Variants in GRIK4 observed in about 807,000 individuals in gnomAD.
GRIK4 encodes glutamate receptor ionotropic, kainate 4.
GRIK4 carries 40 observed loss-of-function variants against 104.9 expected under a neutral mutation model. The ratio of observed to expected loss-of-function variants is 0.38; its 90% CI spans 0.30 to 0.50. The LOEUF (loss-of-function observed/expected upper bound fraction) is 0.50, where lower values mean the gene tolerates loss of function less well. Among genes scored for constraint, GRIK4 ranks in the 20% least tolerant of loss-of-function variants. The pLI, the probability that GRIK4 is intolerant of heterozygous loss-of-function variation, is 0.93. For synonymous variants in GRIK4, 485 were observed against 524.9 expected (o/e 0.92, Z 1.04); for missense variants, 1,047 against 1,308.1 (o/e 0.80, Z 3.08).
intron 1 of GRIK4, among the ~76,000 whole-genome samples, chr11:120,526,427 G>A (rs374940776): frequency 3.3e-4 from 50 of 152,046 alleles, no homozygotes; most frequent in African/African-American, 1.0e-3. Context: ...TGAACTTCTG[G>A]GCTCAAGCGA....
intron 1 of GRIK4, among the ~76,000 whole-genome samples, chr11:120,584,978 G>A (rs1439255257): frequency 1.3e-5 from 2 of 152,118 alleles, no homozygotes; most frequent in Non-Finnish European, 2.9e-5. Flanking sequence ...GAGGATTTTT[G>A]CATCTGTTAA....
chr11:120,899,125 T>C lies in GRIK4; in HGVS notation c.1272+486T>C, dbSNP rs146631116. Among the ~76,000 whole-genome samples, 70 of 152,210 alleles carry C rather than the reference T, an allele frequency of 4.6e-4. No individual in the cohort carries two copies. In the East Asian group the frequency reaches 0.013, roughly 28 times the overall value. ...TGGTAAAAAGAGAGTTCTCAATCTATAGGGCAAGAGGCCAGGTGCAGTGGC... is the reference window on the plus strand; with the variant it reads ...TGGTAAAAAGAGAGTTCTCAATCTACAGGGCAAGAGGCCAGGTGCAGTGGC... On this transcript the variant is annotated intron_variant, in intron 12 of 20. Transcript: ENST00000527524.
At chr11:120,977,873 A>G (rs901265641) in intron 19 of GRIK4, among the ~76,000 whole-genome samples, 3 of 152,144 alleles carry the variant, frequency 2.0e-5, no homozygotes, top group African/African-American at 4.8e-5. Context: ...CAGGCGGTCC[A>G]TGTTGTGAAT....
At chr11:120,860,654 A>G (rs7937284) in intron 8 of GRIK4, among the ~76,000 whole-genome samples, 74,861 of 152,072 alleles carry the variant, frequency 0.49, 19,729 homozygotes, top group African/African-American at 0.67. Flanking sequence ...CCTGAGGGCA[A>G]CAAGTGTGTC....
At chr11:120,557,518 C>T (rs1036242004) in intron 1 of GRIK4, among the ~76,000 whole-genome samples, 1 of 152,200 alleles carries the variant, frequency 6.6e-6, no homozygotes, top group Non-Finnish European at 1.5e-5. Flanking sequence ...ATCAGACGAC[C>T]TATCTAGCGC....
rs199752302 is a variant in GRIK4, at chr11:120,874,147, G to A, written c.988G>A (p.Val330Met). The change falls in exon 10 of 21, where the codon GTG becomes ATG. Residue 330 changes from valine to methionine, a missense_variant. Physicochemically the swap from Val to Met is conservative, Grantham distance 21 (BLOSUM62 1). Around this residue, in one of 3 missense-constraint regions of GRIK4, gnomAD observed 447 missense variants for 514.9 expected, o/e 0.87. Coordinates refer to ENST00000527524, the MANE Select transcript of GRIK4 (RefSeq NM_014619.5). ...QELNRSQEIG[V>M]KPLSCGSAQI... ...ACTGAACCGGAGCCAAGAGATCGGCGTGAAGCCCTTGTCCTGCGGCTCGGC... is the reference window on the plus strand; with the variant it reads ...ACTGAACCGGAGCCAAGAGATCGGCATGAAGCCCTTGTCCTGCGGCTCGGC... 213 of 1,613,840 alleles carry A rather than the reference G, an allele frequency of 1.3e-4. No individual in the cohort carries two copies. The highest frequency in any genetic ancestry group is 1.7e-4 in the Non-Finnish European group (200 of 1,179,964).
chr11:120,835,458 G>A (rs1358426515), intron 7 of GRIK4, among the ~76,000 whole-genome samples: 1 of 152,218 alleles, frequency 6.6e-6, no homozygotes, highest in Non-Finnish European at 1.5e-5. Flanking sequence ...AACCCAGGAG[G>A]CGGAGGTTGC....
chr11:120,543,076 C>G (rs1396947297), intron 1 of GRIK4, among the ~76,000 whole-genome samples: 2 of 152,138 alleles, frequency 1.3e-5, no homozygotes, highest in Admixed American at 6.5e-5. Flanking sequence ...CCCCCGTACA[C>G]TGTTGGTGGG....
chr11:120,647,885 G>A (rs553000054), intron 1 of GRIK4, among the ~76,000 whole-genome samples: 81 of 152,332 alleles, frequency 5.3e-4, no homozygotes, highest in Middle Eastern at 6.8e-3. Flanking sequence ...GGAGGGTCCC[G>A]GTGGCCGCCA....
intron 1 of GRIK4, among the ~76,000 whole-genome samples, chr11:120,547,978 G>C (rs61900897): frequency 0.29 from 43,823 of 152,152 alleles, 7,357 homozygotes; most frequent in Non-Finnish European, 0.38. Context: ...GTGACTCAGA[G>C]GGTGGCTGTG....
chr11:120,707,385 G>A (rs954731388), intron 3 of GRIK4, among the ~76,000 whole-genome samples: 2 of 152,186 alleles, frequency 1.3e-5, no homozygotes, highest in Non-Finnish European at 2.9e-5. Flanking sequence ...GCCAGTGCGG[G>A]TAAAATCAAT....
intron 1 of GRIK4, among the ~76,000 whole-genome samples, chr11:120,589,574 C>T (rs1162851566): frequency 1.3e-5 from 2 of 152,128 alleles, no homozygotes; most frequent in East Asian, 3.9e-4. Flanking sequence ...GGGCTCAGGA[C>T]GTTGGAAATC....
At chr11:120,694,177 T>C (rs567674591) in intron 3 of GRIK4, among the ~76,000 whole-genome samples, 1 of 152,266 alleles carries the variant, frequency 6.6e-6, no homozygotes, top group South Asian at 2.1e-4. Context: ...GCTGGAGGAA[T>C]TGCTTTGGCA....
intron 11 of GRIK4, among the ~76,000 whole-genome samples, chr11:120,883,480 C>T (rs538443473): frequency 3.1e-4 from 47 of 152,364 alleles, no homozygotes; most frequent in Admixed American, 8.5e-4. Flanking sequence ...GAAATACTTT[C>T]TCCTGTGAGT....
chr11:120,728,957 C>G (rs112473235), intron 3 of GRIK4, among the ~76,000 whole-genome samples: 2 of 152,168 alleles, frequency 1.3e-5, no homozygotes, highest in Non-Finnish European at 2.9e-5. Context: ...TACTCTCTTT[C>G]TCCATGAGTT....
chr11:120,925,088 G>A (rs1943313609), intron 13 of GRIK4, among the ~76,000 whole-genome samples: 1 of 152,202 alleles, frequency 6.6e-6, no homozygotes, highest in South Asian at 2.1e-4. Context: ...ATTCTGTCTA[G>A]CAGGAGCTGT....
At chr11:120,977,461 G>A (rs1199625235) in intron 19 of GRIK4, among the ~76,000 whole-genome samples, 3 of 152,206 alleles carry the variant, frequency 2.0e-5, no homozygotes, top group African/African-American at 7.2e-5. Flanking sequence ...TCTAGAGAAT[G>A]ACTGATGACA....
intron 1 of GRIK4, among the ~76,000 whole-genome samples, chr11:120,565,986 T>A (rs1565552252): frequency 6.6e-6 from 1 of 152,198 alleles, no homozygotes; most frequent in Non-Finnish European, 1.5e-5. Context: ...TTCCTACCCC[T>A]TGAGCCGTGT....
chr11:120,923,404 A>ATTTTT (rs775194642), intron 13 of GRIK4, among the ~76,000 whole-genome samples: 12 of 81,636 alleles, frequency 1.5e-4, no homozygotes, highest in African/African-American at 2.1e-4. Context: ...CCATTTGCTC[A>ATTTTT]TTTTTTTTTT....
Sources: gnomAD v4.1 joint callset for allele counts (sites outside exome capture counted in the v4.1 genomes callset) on GRCh38, gnomAD v4.1.1 for gene constraint, gnomAD v4.1.1 regional missense constraint, MANE v1.5 for transcripts, NCBI Gene and HGNC (gene_info 2026-07-23, HGNC 2026-07-21) for gene names.